Variants in TMEM132C observed in about 807,000 individuals in gnomAD.
TMEM132C encodes the protein transmembrane protein 132C.
A neutral mutation model predicts 61.4 loss-of-function variants in TMEM132C; 29 were observed. That is an observed-to-expected ratio of 0.47 (90% CI 0.35 to 0.64). The LOEUF (loss-of-function observed/expected upper bound fraction) is 0.64. Among genes scored for constraint, TMEM132C ranks in the 30% least tolerant of loss-of-function variants. The pLI, the probability that TMEM132C is intolerant of heterozygous loss-of-function variation, is 0.00. For missense variants in TMEM132C, 1,408 were observed against 1,476.9 expected, an observed-to-expected ratio of 0.95 and a Z score of 0.76; for synonymous variants, 656 against 633.1, an observed-to-expected ratio of 1.04 and a Z score of -0.54.
intron 2 of TMEM132C, among the ~76,000 whole-genome samples, chr12:128,507,776 T>C (rs1311730559): frequency 1.3e-5 from 2 of 152,190 alleles, no homozygotes; most frequent in Admixed American, 1.3e-4. Flanking sequence ...AGAAAGGGAC[T>C]CACTCCTCCA....
At chr12:128,285,203 G>A (rs764247708) in intron 1 of TMEM132C, among the ~76,000 whole-genome samples, 1 of 152,064 alleles carries the variant, frequency 6.6e-6, no homozygotes, top group Non-Finnish European at 1.5e-5. Context: ...ACAATTTATT[G>A]TATATTTTCA....
At chr12:128,456,827 C>T (rs1039505328) in intron 2 of TMEM132C, among the ~76,000 whole-genome samples, 12 of 152,198 alleles carry the variant, frequency 7.9e-5, no homozygotes, top group African/African-American at 2.9e-4. Flanking sequence ...CCATCTGCTC[C>T]ATGCCGAAGC....
rs778881902 is a variant in TMEM132C at position 128,626,237 on chromosome 12, G to A, written c.1305+9902G>A. The stretch of plus-strand genomic sequence containing the variant: ...CGCCTCCCAGGTTCAAGCAATTCTC[G>A]TGCCTCAGCCTCCCAAGTAGCTGGG... On this transcript the variant is annotated intron_variant, in intron 4 of 8. Transcript: ENST00000435159. Among the ~76,000 whole-genome samples, 6 of 149,228 alleles carry A rather than the reference G, an allele frequency of 4.0e-5. No homozygotes were observed. In the East Asian group the frequency reaches 5.9e-4, roughly 15 times the overall value.
chr12:128,448,853 T>C (rs10847621), intron 2 of TMEM132C, among the ~76,000 whole-genome samples: 17,348 of 151,764 alleles, frequency 0.11, 1,267 homozygotes, highest in African/African-American at 0.2. Flanking sequence ...CTTGAAGGAG[T>C]GTTTTGTTGG....
At chr12:128,678,148 G>T (rs903521105) in intron 5 of TMEM132C, among the ~76,000 whole-genome samples, 7 of 152,222 alleles carry the variant, frequency 4.6e-5, no homozygotes, top group Non-Finnish European at 5.9e-5. Context: ...CAGCAGAAGA[G>T]AGTTTTCTAT....
chr12:128,448,775 C>T (rs1870078849), intron 2 of TMEM132C, among the ~76,000 whole-genome samples: 1 of 152,146 alleles, frequency 6.6e-6, no homozygotes. Flanking sequence ...TGCAATTATA[C>T]TCTTCGTTTC....
intron 1 of TMEM132C, among the ~76,000 whole-genome samples, chr12:128,382,845 T>C (rs1253290555): frequency 6.6e-6 from 1 of 152,180 alleles, no homozygotes; most frequent in African/African-American, 2.4e-5. Flanking sequence ...TATATCTGAG[T>C]ATGTATGTGT....
chr12:128,678,625 G>C (rs369212897), intron 5 of TMEM132C, among the ~76,000 whole-genome samples: 3 of 152,184 alleles, frequency 2.0e-5, no homozygotes, highest in East Asian at 3.9e-4. Flanking sequence ...CCCTAGACCA[G>C]TGGTTCTCTG....
intron 2 of TMEM132C, among the ~76,000 whole-genome samples, chr12:128,472,043 C>A (rs144235410): frequency 7.8e-4 from 118 of 152,186 alleles, no homozygotes; most frequent in African/African-American, 2.7e-3. Context: ...ATGAAATAAC[C>A]ACTCCTCATA....
chr12:128,413,299 A>AAAAAG (rs386378188), intron 1 of TMEM132C, among the ~76,000 whole-genome samples: 1 of 16,104 alleles, frequency 6.2e-5, no homozygotes, highest in Non-Finnish European at 2.1e-4. Flanking sequence ...ACTCTGTCTC[A>AAAAAG]AAAAAAAAAA....
At chr12:128,377,774 A>G (rs1874244256) in intron 1 of TMEM132C, among the ~76,000 whole-genome samples, 1 of 152,152 alleles carries the variant, frequency 6.6e-6, no homozygotes, top group Admixed American at 6.5e-5. Context: ...AGGAAAACAC[A>G]TGGTGTGATT....
chr12:128,393,461 C>T (rs1264831723), intron 1 of TMEM132C, among the ~76,000 whole-genome samples: 2 of 152,282 alleles, frequency 1.3e-5, no homozygotes, highest in East Asian at 3.9e-4. Flanking sequence ...ATTAACAGCC[C>T]TTGTTTATTT....
At chr12:128,699,310 G>A (rs951873495) in intron 8 of TMEM132C, among the ~76,000 whole-genome samples, 2 of 152,168 alleles carry the variant, frequency 1.3e-5, no homozygotes, top group African/African-American at 2.4e-5. Flanking sequence ...GCTCAGCTGG[G>A]TTCATGCCCA....
chr12:128,586,340 G>A (rs975368452), intron 3 of TMEM132C, among the ~76,000 whole-genome samples: 1 of 94,110 alleles, frequency 1.1e-5, no homozygotes, highest in Non-Finnish European at 2.0e-5. Flanking sequence ...ATATATGCTT[G>A]TATGTGACTT....
At chr12:128,323,310 G>A (rs148779492) in intron 1 of TMEM132C, among the ~76,000 whole-genome samples, 2 of 152,320 alleles carry the variant, frequency 1.3e-5, no homozygotes, top group Non-Finnish European at 2.9e-5. Context: ...CAAAGTGTCA[G>A]GTCCATCAGT....
chr12:128,558,097 G>T (rs183395010), intron 3 of TMEM132C, among the ~76,000 whole-genome samples: 2 of 152,346 alleles, frequency 1.3e-5, no homozygotes, highest in East Asian at 3.9e-4. Flanking sequence ...GATTAAGTGG[G>T]TTAGTATATG....
chr12:128,668,031 G>A (rs577125738), intron 4 of TMEM132C, among the ~76,000 whole-genome samples: 48 of 152,300 alleles, frequency 3.2e-4, no homozygotes, highest in African/African-American at 7.0e-4. Flanking sequence ...CCAGCACTTC[G>A]GGAGACTGAG....
chr12:128,369,031 G>A (rs1260271238), intron 1 of TMEM132C, among the ~76,000 whole-genome samples: 1 of 152,236 alleles, frequency 6.6e-6, no homozygotes, highest in African/African-American at 2.4e-5. Flanking sequence ...GAGAAGGTGT[G>A]AGTGGATGGT....
chr12:128,689,116 G>A (rs1294757454), intron 5 of TMEM132C, among the ~76,000 whole-genome samples: 1 of 151,910 alleles, frequency 6.6e-6, no homozygotes, highest in Non-Finnish European at 1.5e-5. Flanking sequence ...CCGTGCCCAG[G>A]CTTCTTTTCT....
Sources: gnomAD v4.1 joint callset for allele counts (sites outside exome capture counted in the v4.1 genomes callset) on GRCh38, gnomAD v4.1.1 for gene constraint, MANE v1.5 for transcripts, NCBI Gene and HGNC (gene_info 2026-07-23, HGNC 2026-07-21) for gene names.